The following PLD5 variants were observed in gnomAD, a reference collection of about 807,000 sequenced individuals.
PLD5 encodes the protein phospholipase D family member 5.
PLD5 carries 36 observed loss-of-function variants against 61.1 expected under a neutral mutation model. The ratio of observed to expected loss-of-function variants is 0.59; its 90% CI spans 0.45 to 0.78. The LOEUF is 0.78. Ranked by LOEUF, PLD5 falls within the 30% of genes least tolerant of loss-of-function variation. The pLI, the probability that PLD5 is intolerant of heterozygous loss-of-function variation, is 0.00. For synonymous variants in PLD5, 243 were observed against 242.8 expected (o/e 1.00, Z -0.01); for missense variants, 515 against 644.4 (o/e 0.80, Z 2.17).
chr1:242,106,022 C>G (rs1323469004), intron 8 of PLD5, among the ~76,000 whole-genome samples: 1 of 152,166 alleles, frequency 6.6e-6, no homozygotes, highest in Non-Finnish European at 1.5e-5. Flanking sequence ...ACTGTTCATG[C>G]CTTAAAACAA....
At chr1:242,469,678 T>C (rs1217527929) in intron 1 of PLD5, among the ~76,000 whole-genome samples, 4 of 152,126 alleles carry the variant, frequency 2.6e-5, no homozygotes, top group Non-Finnish European at 5.9e-5. Context: ...GCCCAGCTAA[T>C]TTTTAAAAAA....
At chr1:242,257,080 C>CTATG (rs1267726838) in intron 4 of PLD5, among the ~76,000 whole-genome samples, 1 of 151,156 alleles carries the variant, frequency 6.6e-6, no homozygotes, top group East Asian at 1.9e-4. Context: ...ATCTATCTAT[C>CTATG]TATCATTTAT....
intron 1 of PLD5, among the ~76,000 whole-genome samples, chr1:242,421,134 C>T (rs1327182330): frequency 2.2e-5 from 3 of 135,698 alleles, no homozygotes; most frequent in African/African-American, 8.6e-5. Context: ...GATCCGAGAT[C>T]ACGCCACTGC....
At chr1:242,452,748 A>T (rs1176458963) in intron 1 of PLD5, among the ~76,000 whole-genome samples, 2 of 152,182 alleles carry the variant, frequency 1.3e-5, no homozygotes, top group Non-Finnish European at 2.9e-5. Context: ...CCCAGGAGGC[A>T]GAGGTTGCAC....
intron 5 of PLD5, among the ~76,000 whole-genome samples, chr1:242,149,815 A>G (rs970833076): frequency 2.6e-5 from 4 of 151,586 alleles, no homozygotes; most frequent in African/African-American, 9.7e-5. Context: ...TAGGGTCTGT[A>G]GTGATGTCCC....
chr1:242,203,720 G>C (rs975977124), intron 5 of PLD5: 1 of 152,292 alleles, frequency 6.6e-6, no homozygotes, highest in South Asian at 2.1e-4. Flanking sequence ...CCAGCACCAC[G>C]CTTCCTATAC....
intron 5 of PLD5, among the ~76,000 whole-genome samples, chr1:242,192,854 T>A (rs369968331): frequency 2.0e-5 from 3 of 152,196 alleles, no homozygotes; most frequent in East Asian, 3.9e-4. Flanking sequence ...GCCTACTGTA[T>A]TGGTCTTAGT....
chr1:242,347,756 C>CA (rs1341711952), intron 2 of PLD5, among the ~76,000 whole-genome samples: 2 of 152,182 alleles, frequency 1.3e-5, no homozygotes, highest in African/African-American at 4.8e-5. Flanking sequence ...TTTGATGGAA[C>CA]AACTAGCACA....
intron 4 of PLD5, among the ~76,000 whole-genome samples, chr1:242,239,420 G>A (rs1337065920): frequency 6.6e-6 from 1 of 152,156 alleles, no homozygotes; most frequent in African/African-American, 2.4e-5. Flanking sequence ...TTTAAAGCCC[G>A]TTAACACTAA....
chr1:242,421,277 G>T (rs1282025656), intron 1 of PLD5, among the ~76,000 whole-genome samples: 1 of 151,446 alleles, frequency 6.6e-6, no homozygotes, highest in Non-Finnish European at 1.5e-5. Flanking sequence ...TATCATTCAT[G>T]CCTAAGCATT....
At chr1:242,163,137 C>T (rs71648690) in intron 5 of PLD5, among the ~76,000 whole-genome samples, 2 of 130,668 alleles carry the variant, frequency 1.5e-5, no homozygotes, top group African/African-American at 2.9e-5. Flanking sequence ...CTTTTATTTT[C>T]TTTTCTTTTC....
intron 1 of PLD5, among the ~76,000 whole-genome samples, chr1:242,491,192 A>T (rs73144095): frequency 6.6e-6 from 1 of 152,248 alleles, no homozygotes; most frequent in African/African-American, 2.4e-5. Flanking sequence ...ACTTACCTAC[A>T]GCAACTTCTT....
intron 1 of PLD5, among the ~76,000 whole-genome samples, chr1:242,420,947 C>T (rs576229708): frequency 1.3e-5 from 2 of 152,026 alleles, no homozygotes; most frequent in African/African-American, 2.4e-5. Flanking sequence ...TTTGGAAGGC[C>T]GAGCCAGGCG....
At chr1:242,279,155 C>A (rs1674575197) in intron 3 of PLD5, among the ~76,000 whole-genome samples, 1 of 152,254 alleles carries the variant, frequency 6.6e-6, no homozygotes, top group Admixed American at 6.5e-5. Context: ...AGCTGCTACT[C>A]ATTTACATCA....
At chr1:242,522,088 A>G (rs987693356) in intron 1 of PLD5, among the ~76,000 whole-genome samples, 2 of 152,218 alleles carry the variant, frequency 1.3e-5, no homozygotes, top group African/African-American at 2.4e-5. Flanking sequence ...AAATTTATTT[A>G]AAGCCCCATT....
At chr1:242,324,116 C>G (rs1219989798) in intron 2 of PLD5, among the ~76,000 whole-genome samples, 1 of 151,718 alleles carries the variant, frequency 6.6e-6, no homozygotes, top group South Asian at 2.1e-4. Context: ...GTTTTACTCT[C>G]CCCTTCACAA....
chr1:242,174,307 A>C (rs1363215893), intron 5 of PLD5, among the ~76,000 whole-genome samples: 3 of 149,492 alleles, frequency 2.0e-5, no homozygotes, highest in South Asian at 2.1e-4. Flanking sequence ...AATGCTCATC[A>C]TCACTGGCCA....
chr1:242,101,505 A>G lies in PLD5; in HGVS notation c.1240-723T>C, dbSNP rs1021091242. 5.9e-5 allele frequency among the ~76,000 whole-genome samples: 9 copies of G among 152,336 alleles called. No individual in the cohort carries two copies. In the Middle Eastern group the frequency reaches 0.01, roughly 173 times the overall value. Reference sequence around the variant, plus strand: ...TTCAGATGAGGCTTAAACTGTGGCTAAGCTCATGGAACTCCATGACTCAGC... The same window carrying G: ...TTCAGATGAGGCTTAAACTGTGGCTGAGCTCATGGAACTCCATGACTCAGC... On this transcript the variant is annotated intron_variant, in intron 8 of 9. Coordinates refer to ENST00000536534, the MANE Select transcript of PLD5 (RefSeq NM_001372062.1).
chr1:242,395,955 G>A (rs145199876), intron 1 of PLD5, among the ~76,000 whole-genome samples: 1 of 152,298 alleles, frequency 6.6e-6, no homozygotes, highest in East Asian at 1.9e-4. Context: ...GGCTGGGGCA[G>A]GAGAACCGCT....
Sources: gnomAD v4.1 joint callset for allele counts (sites outside exome capture counted in the v4.1 genomes callset) on GRCh38, gnomAD v4.1.1 for gene constraint, MANE v1.5 for transcripts, NCBI Gene and HGNC (gene_info 2026-07-23, HGNC 2026-07-21) for gene names.